IQUB: variants seen among roughly 807,000 people sequenced by gnomAD.
IQUB encodes IQ motif and ubiquitin-like domain-containing protein.
IQUB carries 86 observed loss-of-function variants against 86.4 expected under a neutral mutation model. The observed-to-expected ratio is 1.00, with a 90% CI of 0.84 to 1.19. The LOEUF is 1.19. Ranked by LOEUF, IQUB falls within the 50% of genes most tolerant of loss-of-function variation. The pLI, the probability that IQUB is intolerant of heterozygous loss-of-function variation, is 0.00. For missense variants in IQUB, 946 were observed against 916.9 expected, an observed-to-expected ratio of 1.03 and a Z score of -0.41; for synonymous variants, 289 against 304.5, an observed-to-expected ratio of 0.95 and a Z score of 0.53.
chr7:123,531,866 G>C (rs1797550705), intron 1 of IQUB, among the ~76,000 whole-genome samples: 1 of 152,084 alleles, frequency 6.6e-6, no homozygotes, highest in African/African-American at 2.4e-5. Flanking sequence ...ATGGTTAAAC[G>C]ATCACCACTT....
At chr7:123,457,327 G>A (rs531334097) in intron 12 of IQUB, 54 bp downstream of exon 12, 21 of 1,584,290 alleles carry the variant, frequency 1.3e-5, no homozygotes, top group South Asian at 1.0e-4. Context: ...TCCAGTTATC[G>A]CTAATAATTC....
intron 7 of IQUB, among the ~76,000 whole-genome samples, chr7:123,493,631 T>TA (rs912824224): frequency 3.0e-4 from 45 of 151,976 alleles, no homozygotes; most frequent in Non-Finnish European, 6.5e-4. Flanking sequence ...GTACAACCTC[T>TA]AAAAAACCAT....
Position 123,512,169 on chromosome 7 carries a change from T to C in IQUB, c.172A>G (p.Ile58Val), listed in dbSNP as rs1796446725. The change falls in exon 2 of 13, where the codon ATA becomes GTA. Residue 58 changes from isoleucine to valine, a missense_variant. Transcript: ENST00000324698. The part of the protein sequence containing the change: ...GIEQFSESHA[I>V]HVEEQSDQSF... Reference sequence around the variant, plus strand: ...TGGTCACTCTGCTCCTCAACATGTATTGCATGGCTCTCACTGAATTGTTCT... The same window carrying C: ...TGGTCACTCTGCTCCTCAACATGTACTGCATGGCTCTCACTGAATTGTTCT... 6.2e-7 allele frequency: 1 copy of C among 1,613,954 alleles called. No individual in the cohort carries two copies. Among genetic ancestry groups the C allele is most frequent in the Non-Finnish European group, 8.5e-7 (1 of 1,179,940 alleles).
chr7:123,515,660 T>C (rs1222157056), intron 1 of IQUB, among the ~76,000 whole-genome samples: 5 of 152,196 alleles, frequency 3.3e-5, no homozygotes, highest in East Asian at 1.9e-4. Flanking sequence ...TCAATATCAT[T>C]ACTCATTATA....
At chr7:123,485,663 A>C (rs1384004226) in intron 7 of IQUB, among the ~76,000 whole-genome samples, 1 of 152,192 alleles carries the variant, frequency 6.6e-6, no homozygotes, top group Non-Finnish European at 1.5e-5. Flanking sequence ...TTCATTTTAA[A>C]TTTCTGAAAC....
intron 7 of IQUB, among the ~76,000 whole-genome samples, chr7:123,492,866 G>A (rs891760563): frequency 6.6e-6 from 1 of 152,104 alleles, no homozygotes; most frequent in African/African-American, 2.4e-5. Context: ...TAATCTAGCT[G>A]TTCACTTCAA....
chr7:123,524,330 C>A (rs1008367734), intron 1 of IQUB, among the ~76,000 whole-genome samples: 1 of 145,466 alleles, frequency 6.9e-6, no homozygotes, highest in South Asian at 2.2e-4. Context: ...TTCTTCCTAC[C>A]CATGAGCATG....
chr7:123,489,103 T>C (rs1405255392), intron 7 of IQUB, among the ~76,000 whole-genome samples: 1 of 152,154 alleles, frequency 6.6e-6, no homozygotes, highest in Non-Finnish European at 1.5e-5. Flanking sequence ...GTCAGACTAG[T>C]GGTTACCTTG....
At chr7:123,505,258 G>A (rs1056702987) in intron 3 of IQUB, among the ~76,000 whole-genome samples, 2 of 152,202 alleles carry the variant, frequency 1.3e-5, no homozygotes, top group Non-Finnish European at 2.9e-5. Context: ...TTTGCCAGGT[G>A]CACAGTACAA....
rs770350920 is a variant in IQUB, at chr7:123,461,625, A to G, written c.1759-20T>C. The G allele has an allele frequency of 1.7e-5, 26 of 1,539,972 alleles. No homozygotes were observed. Among genetic ancestry groups the G allele is most frequent in the Non-Finnish European group, 2.2e-5 (25 of 1,145,542 alleles). On this transcript the variant is annotated intron_variant, in intron 10 of 12. Transcript: ENST00000324698. The stretch of plus-strand genomic sequence containing the variant: ...AGGGACCTAAATAAATAGTAAAAAA[A>G]GAAAAAAAAGGTCTAAAAAGCCAGG...
At position 123,465,002 on chromosome 7, in the gene IQUB, T is replaced by C; in HGVS notation, c.1589A>G (p.Glu530Gly). 6.3e-7 allele frequency: 1 copy of C among 1,575,932 alleles called. No individual in the cohort carries two copies. The highest frequency in any genetic ancestry group is 8.6e-7 in the Non-Finnish European group (1 of 1,160,958). The change falls in exon 10 of 13, where the codon GAA becomes GGA. Residue 530 changes from glutamate to glycine, a missense_variant. Glu to Gly is a moderately conservative substitution (Grantham distance 98). Coordinates refer to ENST00000324698, the MANE Select transcript of IQUB (RefSeq NM_178827.5). ...TAGAATTTCCTGAGTTAGTTTACAT[T>C]CATGTTCCTATATAAAACACAAAAA... ...LTLKHTVKEH[E>G]CKLTQEILEL...
At chr7:123,492,188 A>T (rs1477461042) in intron 7 of IQUB, among the ~76,000 whole-genome samples, 1 of 152,200 alleles carries the variant, frequency 6.6e-6, no homozygotes, top group Admixed American at 6.5e-5. Flanking sequence ...AATTTCTGTT[A>T]TTTATATATA....
At chr7:123,521,628 T>C (rs1047579063) in intron 1 of IQUB, among the ~76,000 whole-genome samples, 47 of 145,112 alleles carry the variant, frequency 3.2e-4, no homozygotes, top group Admixed American at 2.6e-3. Context: ...GCCAGAGTGA[T>C]GGAGTGAGAC....
chr7:123,458,590 T>C (rs914110756), intron 11 of IQUB, among the ~76,000 whole-genome samples: 29 of 152,166 alleles, frequency 1.9e-4, no homozygotes, highest in African/African-American at 6.5e-4. Flanking sequence ...ATGTTTTATA[T>C]ATTTTACTTA....
At chr7:123,522,740 A>G (rs1796965538) in intron 1 of IQUB, among the ~76,000 whole-genome samples, 3 of 152,138 alleles carry the variant, frequency 2.0e-5, no homozygotes, top group South Asian at 4.1e-4. Flanking sequence ...TTTAGGGTAC[A>G]TGTGCACAAT....
At chr7:123,526,705 G>A (rs533405346) in intron 1 of IQUB, among the ~76,000 whole-genome samples, 5 of 151,134 alleles carry the variant, frequency 3.3e-5, no homozygotes, top group African/African-American at 1.2e-4. Flanking sequence ...TACATTTAAA[G>A]TTAATATTGT....
At chr7:123,491,980 T>A (rs903607948) in intron 7 of IQUB, among the ~76,000 whole-genome samples, 1 of 152,102 alleles carries the variant, frequency 6.6e-6, no homozygotes, top group African/African-American at 2.4e-5. Flanking sequence ...TTTGGGGATG[T>A]GATTAGGTAA....
intron 1 of IQUB, among the ~76,000 whole-genome samples, chr7:123,529,685 A>G (rs1797425316): frequency 1.5e-5 from 2 of 130,552 alleles, no homozygotes. Context: ...AGGAGTTGGG[A>G]GGCCAGCCTG....
chr7:123,505,944 A>C (rs1253415956), intron 3 of IQUB, among the ~76,000 whole-genome samples: 1 of 152,146 alleles, frequency 6.6e-6, no homozygotes, highest in Non-Finnish European at 1.5e-5. Context: ...CTCCTTGCTC[A>C]CACATATGAC....
Sources: allele counts gnomAD v4.1 joint callset (sites outside exome capture counted in the v4.1 genomes callset), GRCh38; gene constraint gnomAD v4.1.1; transcripts MANE v1.5; gene names NCBI Gene and HGNC (gene_info 2026-07-23, HGNC 2026-07-21).